The following UBASH3B variants were observed in gnomAD, a reference collection of about 807,000 sequenced individuals.
The protein encoded by UBASH3B is ubiquitin associated and SH3 domain containing B, also known as ubiquitin-associated and SH3 domain-containing protein B.
UBASH3B carries 37 observed loss-of-function variants against 83.4 expected under a neutral mutation model. The observed-to-expected ratio is 0.44, with a 90% CI of 0.34 to 0.58. UBASH3B has a LOEUF of 0.58. Ranked by LOEUF, UBASH3B falls within the 20% of genes least tolerant of loss-of-function variation. UBASH3B has a pLI of 0.01. For missense variants in UBASH3B, 657 were observed against 827.2 expected, an observed-to-expected ratio of 0.79 and a Z score of 2.52; for synonymous variants, 304 against 318.3, an observed-to-expected ratio of 0.96 and a Z score of 0.48.
chr11:122,794,940 ATCT>A, intron 7 of UBASH3B, 106 bp downstream of exon 7: 1 of 1,500,002 alleles, frequency 6.7e-7, no homozygotes, highest in Non-Finnish European at 9.0e-7. Context: ...AGCTTCCACG[ATCT>A]CTTGGGAAGA....
At chr11:122,798,824 G>A (rs1861199434) in intron 9 of UBASH3B, 118 bp from the exon 10 acceptor site, 2 of 677,286 alleles carry the variant, frequency 3.0e-6, no homozygotes, top group Non-Finnish European at 5.1e-6. Flanking sequence ...CTCTATGTGA[G>A]CCCCAGTTAG....
At chr11:122,772,022 T>C (rs1260497294) in intron 1 of UBASH3B, among the ~76,000 whole-genome samples, 1 of 152,218 alleles carries the variant, frequency 6.6e-6, no homozygotes, top group Non-Finnish European at 1.5e-5. Context: ...CAGTCTGATA[T>C]TGTGAACTCT....
intron 1 of UBASH3B, among the ~76,000 whole-genome samples, chr11:122,693,937 C>T (rs1242840744): frequency 1.3e-5 from 2 of 152,154 alleles, no homozygotes; most frequent in Non-Finnish European, 2.9e-5. Flanking sequence ...TTCAGTCATT[C>T]ACCCAGTTGT....
rs190472655 is a variant in UBASH3B at position 122,727,015 on chromosome 11, A to T, written c.162-49204A>T. ...TCCACGGGTCCCAGGACTTATTTTT[A>T]AAAAAGGATTCCGATTGCTAATTGT... On this transcript the variant is annotated intron_variant, in intron 1 of 13. Transcript: ENST00000284273. Among the ~76,000 whole-genome samples the T allele has an allele frequency of 1.3e-3, 192 of 152,338 alleles. 1 individual carries two copies. The highest frequency in any genetic ancestry group is 4.1e-3 in the African/African-American group (169 of 41,576).
rs1410801739 is a variant in UBASH3B at position 122,806,830 on chromosome 11, C to A, written c.1702+314C>A. ...AAAGCTCTAGCATGCCACTGTTTTG[C>A]CTATAATTGATGCAGCGGCATGCAC... is the stretch of plus-strand genomic sequence containing the variant. On this transcript the variant is annotated intron_variant, in intron 12 of 13. Transcript: ENST00000284273. This position sits in a 1 kb window ranked among gnomAD's most constrained non-coding sequence, Gnocchi z 4.0. Among the ~76,000 whole-genome samples the A allele has an allele frequency of 1.3e-5, 2 of 152,168 alleles. No individual in the cohort carries two copies. Among genetic ancestry groups the A allele is most frequent in the Non-Finnish European group, 2.9e-5 (2 of 68,036 alleles).
At chr11:122,746,711 G>A (rs1006271186) in intron 1 of UBASH3B, among the ~76,000 whole-genome samples, 5 of 152,166 alleles carry the variant, frequency 3.3e-5, no homozygotes, top group African/African-American at 9.7e-5. Flanking sequence ...TGGGGAAGTC[G>A]GGAGGATTTA....
chr11:122,709,746 C>T (rs565522103), intron 1 of UBASH3B, among the ~76,000 whole-genome samples: 6 of 152,306 alleles, frequency 3.9e-5, no homozygotes, highest in African/African-American at 7.2e-5. Context: ...CCCACCTAGC[C>T]TTTTCTCCTA....
chr11:122,780,683 A>G (rs2135147651), intron 4 of UBASH3B, among the ~76,000 whole-genome samples: 1 of 152,312 alleles, frequency 6.6e-6, no homozygotes, highest in Non-Finnish European at 1.5e-5. Context: ...CCCTGGGACG[A>G]TGTTGATCAG....
intron 3 of UBASH3B, among the ~76,000 whole-genome samples, chr11:122,777,929 C>T (rs1003693337): frequency 2.6e-5 from 4 of 151,794 alleles, no homozygotes; most frequent in African/African-American, 7.3e-5. Context: ...GGGGTTTCAC[C>T]ATGTTGGCCA....
chr11:122,702,936 C>T (rs12797830), intron 1 of UBASH3B, among the ~76,000 whole-genome samples: 68,763 of 152,044 alleles, frequency 0.45, 16,227 homozygotes, highest in East Asian at 0.85. Flanking sequence ...AATCCTGATT[C>T]TGCATTCACT....
At chr11:122,786,462 G>C (rs904571422) in intron 5 of UBASH3B, among the ~76,000 whole-genome samples, 2 of 152,040 alleles carry the variant, frequency 1.3e-5, no homozygotes, top group Non-Finnish European at 2.9e-5. Flanking sequence ...TTCGAAACCA[G>C]CCTGGCCAAC....
chr11:122,743,100 C>G (rs1427805711), intron 1 of UBASH3B, among the ~76,000 whole-genome samples: 1 of 152,154 alleles, frequency 6.6e-6, no homozygotes, highest in Non-Finnish European at 1.5e-5. Context: ...TTTGCTGTGG[C>G]CGTTCTGAGG....
chr11:122,689,503 A>T (rs1036823756), intron 1 of UBASH3B, among the ~76,000 whole-genome samples: 2 of 152,148 alleles, frequency 1.3e-5, no homozygotes, highest in Non-Finnish European at 2.9e-5. Context: ...AAAACTCTCA[A>T]ACTGGGTTTT....
At chr11:122,809,280 G>T (rs1333296275) in intron 13 of UBASH3B, among the ~76,000 whole-genome samples, 1 of 152,106 alleles carries the variant, frequency 6.6e-6, no homozygotes, top group Non-Finnish European at 1.5e-5. Flanking sequence ...TTGCCATGTT[G>T]GCCAGGCTGG....
In UBASH3B at chr11:122,683,004, G is replaced by A. The variant is rs572155934; in HGVS notation, c.161+26794G>A. ...CTTATGCCTGTAATCACAAAACTCC[G>A]GGAGGCCAAGGCAGGAAGATTGCTT... On this transcript the variant is annotated intron_variant, in intron 1 of 13. Transcript: ENST00000284273. Among the ~76,000 whole-genome samples the A allele has an allele frequency of 1.2e-4, 19 of 152,168 alleles. No homozygotes were observed. In the East Asian group the frequency reaches 2.3e-3, roughly 19 times the overall value.
intron 5 of UBASH3B, 71 bp downstream of exon 5, chr11:122,783,293 C>T: frequency 6.5e-7 from 1 of 1,533,414 alleles, no homozygotes; most frequent in Non-Finnish European, 8.9e-7. Context: ...CTCGCTGCTG[C>T]AGGGAGATGG....
At chr11:122,670,150 T>C (rs973880751) in intron 1 of UBASH3B, among the ~76,000 whole-genome samples, 3 of 151,696 alleles carry the variant, frequency 2.0e-5, no homozygotes, top group Admixed American at 6.6e-5. Context: ...TCTGGAATAG[T>C]GTGTGTGTGT....
intron 11 of UBASH3B, among the ~76,000 whole-genome samples, chr11:122,804,595 T>C (rs773047742): frequency 6.6e-6 from 1 of 152,146 alleles, no homozygotes; most frequent in Non-Finnish European, 1.5e-5. Flanking sequence ...TGTTTTGTCA[T>C]CCATAAACAG....
intron 1 of UBASH3B, among the ~76,000 whole-genome samples, chr11:122,674,848 C>T (rs1297576850): frequency 2.0e-5 from 3 of 151,480 alleles, no homozygotes; most frequent in Non-Finnish European, 4.4e-5. Context: ...CCTGTCTCAG[C>T]CTCCTGAGGA....
Sources: gnomAD v4.1 joint callset for allele counts (sites outside exome capture counted in the v4.1 genomes callset) on GRCh38, gnomAD v4.1.1 for gene constraint, Gnocchi (gnomAD v3.1) non-coding constraint, MANE v1.5 for transcripts, NCBI Gene and HGNC (gene_info 2026-07-23, HGNC 2026-07-21) for gene names.